Variants in AUTS2 observed in about 807,000 individuals in gnomAD.
AUTS2 encodes the protein activator of transcription and developmental regulator AUTS2.
AUTS2 carries 17 observed loss-of-function variants against 112.4 expected under a neutral mutation model. The observed-to-expected ratio is 0.15, with a 90% confidence interval of 0.10 to 0.23. The LOEUF (loss-of-function observed/expected upper bound fraction) is 0.23, where lower values mean the gene tolerates loss of function less well. Among genes scored for constraint, AUTS2 ranks in the 10% least tolerant of loss-of-function variants. The pLI is 1.00. For missense variants in AUTS2, 1,510 were observed against 1,701.6 expected (o/e 0.89, Z 1.98); for synonymous variants, 751 against 702.7 (o/e 1.07, Z -1.09).
In AUTS2 at chr7:70,758,886, C is replaced by T. The variant is rs928403515; in HGVS notation, c.743-3984C>T. 2.2e-4 allele frequency among the ~76,000 whole-genome samples: 29 copies of T among 130,530 alleles called. No individual in the cohort carries two copies. In the Middle Eastern group the frequency reaches 0.019, roughly 85 times the overall value. The allele number at this position is 130,530 out of a possible 152,430, so 85.6% of individuals were successfully genotyped here. On this transcript the variant is annotated intron_variant, in intron 6 of 18. Coordinates refer to ENST00000342771, the MANE Select transcript of AUTS2 (RefSeq NM_015570.4). ...TTGAAAGGAAGAGGAAATGCATTAC[C>T]GATTAGCCACAAAAATGCCTGACGC...
At chr7:70,725,679 G>C (rs562373443) in intron 6 of AUTS2, among the ~76,000 whole-genome samples, 10 of 152,308 alleles carry the variant, frequency 6.6e-5, no homozygotes, top group Admixed American at 2.6e-4. Context: ...GTTCAGCCAA[G>C]AGTTAAGGTT....
At chr7:70,329,823 A>T (rs1190559430) in intron 4 of AUTS2, among the ~76,000 whole-genome samples, 1 of 152,096 alleles carries the variant, frequency 6.6e-6, no homozygotes, top group Non-Finnish European at 1.5e-5. Flanking sequence ...TAGAGAATTT[A>T]TAAACAAAGG....
chr7:70,401,351 G>A (rs1031412813), intron 4 of AUTS2, among the ~76,000 whole-genome samples: 2 of 152,146 alleles, frequency 1.3e-5, no homozygotes, highest in Non-Finnish European at 2.9e-5. Flanking sequence ...AGTTTGAGGG[G>A]GAAACTTTTC....
intron 6 of AUTS2, among the ~76,000 whole-genome samples, chr7:70,750,606 TG>T (rs141892154): frequency 0.13 from 20,453 of 151,968 alleles, 1,492 homozygotes; most frequent in African/African-American, 0.19. Context: ...TTTGCCATGT[TG>T]CCTAGGCTGG....
At chr7:69,699,920 C>T (rs1584095442) in intron 1 of AUTS2, among the ~76,000 whole-genome samples, 1 of 152,296 alleles carries the variant, frequency 6.6e-6, no homozygotes, top group East Asian at 1.9e-4. Flanking sequence ...GCTGGGATTA[C>T]AGGCATACAG....
chr7:70,019,765 A>C (rs1036939587), intron 2 of AUTS2, among the ~76,000 whole-genome samples: 3 of 152,212 alleles, frequency 2.0e-5, no homozygotes, highest in Non-Finnish European at 4.4e-5. Context: ...ATGAATGTTC[A>C]TTGGATATTA....
Position 70,522,640 on chromosome 7 carries a change from C to G in AUTS2, c.690+86859C>G, listed in dbSNP as rs1799690254. On this transcript the variant is annotated intron_variant, in intron 5 of 18. Transcript: ENST00000342771. Reference sequence around the variant, plus strand: ...TTGCTGCAAAGGACATGATTTTGTTCTTTTGTATGGCTGCTTAGTATTCCA... The same window carrying G: ...TTGCTGCAAAGGACATGATTTTGTTGTTTTGTATGGCTGCTTAGTATTCCA... Among the ~76,000 whole-genome samples the G allele has an allele frequency of 2.0e-5, 3 of 152,286 alleles. 1 individual carries two copies. The highest frequency in any genetic ancestry group is 3.4e-3 in the Middle Eastern group (1 of 294).
At chr7:70,167,269 TAATATC>T (rs942071308) in intron 4 of AUTS2, among the ~76,000 whole-genome samples, 2 of 152,154 alleles carry the variant, frequency 1.3e-5, no homozygotes, top group African/African-American at 4.8e-5. Context: ...GTGGTTTTGT[TAATATC>T]AATACAGTAG....
intron 1 of AUTS2, among the ~76,000 whole-genome samples, chr7:69,633,145 A>C (rs1794347211): frequency 6.6e-6 from 1 of 152,132 alleles, no homozygotes; most frequent in African/African-American, 2.4e-5. Context: ...TGAATATTTG[A>C]AAAAAATTTT....
At chr7:69,794,913 C>T (rs902210668) in intron 1 of AUTS2, among the ~76,000 whole-genome samples, 4 of 152,146 alleles carry the variant, frequency 2.6e-5, no homozygotes, top group Admixed American at 2.6e-4. Flanking sequence ...TACATGTACC[C>T]AGCCATCTTT....
At chr7:70,609,992 GTT>G (rs1210906065) in intron 5 of AUTS2, among the ~76,000 whole-genome samples, 5 of 149,404 alleles carry the variant, frequency 3.3e-5, no homozygotes, top group African/African-American at 1.3e-4. Context: ...TGTTGTTGTT[GTT>G]GTTGTTGTTT....
At chr7:70,034,473 T>C (rs969849868) in intron 2 of AUTS2, among the ~76,000 whole-genome samples, 3 of 152,158 alleles carry the variant, frequency 2.0e-5, no homozygotes, top group Non-Finnish European at 4.4e-5. Flanking sequence ...TAGAGTGATA[T>C]CACATGCAAG....
intron 2 of AUTS2, among the ~76,000 whole-genome samples, chr7:69,994,155 C>T (rs577074254): frequency 1.2e-4 from 19 of 152,148 alleles, no homozygotes; most frequent in African/African-American, 4.6e-4. Context: ...CGCTTGAGCC[C>T]AGAAGTTTGA....
chr7:69,807,761 G>A (rs180777745), intron 1 of AUTS2, among the ~76,000 whole-genome samples: 1 of 152,214 alleles, frequency 6.6e-6, no homozygotes, highest in East Asian at 1.9e-4. Flanking sequence ...GGAGGCCTTG[G>A]TTTCTCACCA....
intron 1 of AUTS2, among the ~76,000 whole-genome samples, chr7:69,772,229 G>A (rs1404343414): frequency 6.6e-6 from 1 of 152,204 alleles, no homozygotes; most frequent in Non-Finnish European, 1.5e-5. Flanking sequence ...ACAGCCTGAA[G>A]TGTACACAAC....
At chr7:70,752,562 C>T (rs1446386844) in intron 6 of AUTS2, among the ~76,000 whole-genome samples, 5 of 152,140 alleles carry the variant, frequency 3.3e-5, no homozygotes, top group Non-Finnish European at 7.4e-5. Context: ...AAAACAAAAA[C>T]GAAAGATCAG....
rs143398854 is a variant in AUTS2, at chr7:69,703,360, T to C, written c.309+103398T>C. 2.3e-3 allele frequency among the ~76,000 whole-genome samples: 350 copies of C among 152,340 alleles called. 1 individual carries two copies. Among genetic ancestry groups the C allele is most frequent in the African/African-American group, 7.9e-3 (327 of 41,586 alleles). On this transcript the variant is annotated intron_variant, in intron 1 of 18. Coordinates refer to ENST00000342771, the MANE Select transcript of AUTS2 (RefSeq NM_015570.4). ...TTGGCAGAGCTATTAAGATGACTCA[T>C]GGAAGGATATCCTCAGCATCTCCTT...
chr7:69,922,692 G>A (rs1000247123), intron 2 of AUTS2, among the ~76,000 whole-genome samples: 3 of 152,120 alleles, frequency 2.0e-5, no homozygotes, highest in South Asian at 2.1e-4. Context: ...TACACATTTC[G>A]ACACTTCTTA....
At chr7:70,769,117 A>G (rs6958668) in intron 10 of AUTS2, among the ~76,000 whole-genome samples, 7,999 of 152,172 alleles carry the variant, frequency 0.053, 231 homozygotes, top group Middle Eastern at 0.17. Context: ...TTAGAAATCA[A>G]TTGAAAATTA....
Sources: allele counts gnomAD v4.1 joint callset (sites outside exome capture counted in the v4.1 genomes callset), GRCh38; gene constraint gnomAD v4.1.1; transcripts MANE v1.5; gene names NCBI Gene and HGNC (gene_info 2026-07-23, HGNC 2026-07-21).